The following RTKN2 variants were observed in gnomAD, a reference collection of about 807,000 sequenced individuals.
RTKN2 encodes rhotekin-2.
RTKN2 carries 69 observed loss-of-function variants against 71.5 expected under a neutral mutation model. The observed-to-expected ratio is 0.96, with a 90% CI of 0.79 to 1.18. The LOEUF (loss-of-function observed/expected upper bound fraction) is 1.18, where lower values mean the gene tolerates loss of function less well. Among genes scored for constraint, RTKN2 ranks in the 50% most tolerant of loss-of-function variants. The pLI is 0.00. For synonymous variants in RTKN2, 236 were observed against 236.5 expected, an observed-to-expected ratio of 1.00 and a Z score of 0.02; for missense variants, 724 against 719.7, an observed-to-expected ratio of 1.01 and a Z score of -0.07.
chr10:62,256,367 C>T (rs1842675253), intron 2 of RTKN2, among the ~76,000 whole-genome samples: 2 of 151,926 alleles, frequency 1.3e-5, no homozygotes, highest in South Asian at 4.1e-4. Context: ...TAGAAATAGG[C>T]AGAGTAATTA....
At chr10:62,229,608 G>GTC (rs1253644552) in intron 6 of RTKN2, among the ~76,000 whole-genome samples, 1 of 152,172 alleles carries the variant, frequency 6.6e-6, no homozygotes, top group African/African-American at 2.4e-5. Flanking sequence ...TTTAGGAAGA[G>GTC]TCATTTCAAT....
intron 1 of RTKN2, among the ~76,000 whole-genome samples, chr10:62,266,213 T>C (rs897746407): frequency 6.6e-6 from 1 of 152,178 alleles, no homozygotes; most frequent in South Asian, 2.1e-4. Flanking sequence ...AACAGAAATT[T>C]AGGTTAAGTA....
chr10:62,249,163 A>C (rs537307507), intron 2 of RTKN2, among the ~76,000 whole-genome samples: 245 of 152,286 alleles, frequency 1.6e-3, no homozygotes, highest in Non-Finnish European at 2.6e-3. Flanking sequence ...ACAGTACCTG[A>C]GCAATGAACA....
intron 8 of RTKN2, among the ~76,000 whole-genome samples, chr10:62,187,409 T>C (rs1841154309): frequency 1.3e-5 from 2 of 152,124 alleles, no homozygotes; most frequent in Non-Finnish European, 2.9e-5. Context: ...CCCTAAAGTT[T>C]CCTCCCTTCA....
intron 1 of RTKN2, among the ~76,000 whole-genome samples, chr10:62,268,143 T>C (rs1842899526): frequency 6.6e-6 from 1 of 152,182 alleles, no homozygotes; most frequent in Admixed American, 6.5e-5. Context: ...CATCGCTCCA[T>C]TACTGTGCTT....
At chr10:62,206,809 T>C (rs192006104) in intron 9 of RTKN2, among the ~76,000 whole-genome samples, 63 of 152,180 alleles carry the variant, frequency 4.1e-4, no homozygotes, top group Non-Finnish European at 1.2e-4. Flanking sequence ...ATTAGTTCTT[T>C]TAAGTAATTA....
chr10:62,234,413 C>G (rs960597474), intron 6 of RTKN2, among the ~76,000 whole-genome samples: 2 of 150,864 alleles, frequency 1.3e-5, no homozygotes, highest in Non-Finnish European at 3.0e-5. Flanking sequence ...GCCAGTAGTC[C>G]TAGCTACTCA....
intron 9 of RTKN2, among the ~76,000 whole-genome samples, chr10:62,211,963 C>T (rs924803332): frequency 1.3e-5 from 2 of 152,076 alleles, no homozygotes; most frequent in African/African-American, 4.8e-5. Context: ...CGCACCCAGC[C>T]GAGGAACACT....
chr10:62,218,335 T>G (rs1389752625), intron 7 of RTKN2, 34 bp from the exon 8 acceptor site: 1 of 1,362,026 alleles, frequency 7.3e-7, no homozygotes, highest in Non-Finnish European at 1.0e-6. Flanking sequence ...AAAAATCAAG[T>G]TATAAATATA....
intron 2 of RTKN2, among the ~76,000 whole-genome samples, chr10:62,255,515 T>A (rs2393868): frequency 0.89 from 135,681 of 152,240 alleles, 60,576 homozygotes; most frequent in East Asian, 0.99. Context: ...AAAGAGAGGA[T>A]TGTCCTTCTT....
At chr10:62,234,537 C>A (rs1842217326) in intron 6 of RTKN2, among the ~76,000 whole-genome samples, 1 of 150,508 alleles carries the variant, frequency 6.6e-6, no homozygotes, top group African/African-American at 2.4e-5. Context: ...AAAGAAAATT[C>A]AAGAGTTCAA....
chr10:62,201,068 C>T (rs1841431073), intron 10 of RTKN2, among the ~76,000 whole-genome samples: 1 of 152,084 alleles, frequency 6.6e-6, no homozygotes, highest in South Asian at 2.1e-4. Flanking sequence ...ATGCTAGTTC[C>T]TACGTATCTG....
chr10:62,203,342 A>AT (rs35304270), intron 10 of RTKN2, among the ~76,000 whole-genome samples: 50 of 143,570 alleles, frequency 3.5e-4, no homozygotes, highest in South Asian at 1.8e-3. Flanking sequence ...GATCTGCTGA[A>AT]TTTTTTTTTT....
rs541713264 is a variant in RTKN2 at position 62,193,254 on chromosome 10, T to C, written c.*4654A>G. 5.2e-6 allele frequency: 5 copies of C among 956,944 alleles called. No homozygotes were observed. In the African/African-American group the frequency reaches 7.0e-5, roughly 13 times the overall value. The allele number at this position is 956,944 out of a possible 1,614,324, so 59.3% of individuals were successfully genotyped here. On this transcript the variant is annotated 3_prime_UTR_variant, in exon 12 of 12. Transcript: ENST00000373789. Reference sequence around the variant, plus strand: ...GAACCATCTGACATAATTATGTATATACAAGATCTTTTCAATCTACCTCTC... The same window carrying C: ...GAACCATCTGACATAATTATGTATACACAAGATCTTTTCAATCTACCTCTC...
chr10:62,231,200 T>C (rs992506640), intron 6 of RTKN2, among the ~76,000 whole-genome samples: 1 of 152,214 alleles, frequency 6.6e-6, no homozygotes, highest in African/African-American at 2.4e-5. Flanking sequence ...TAAATAATCA[T>C]GCTGAATTTT....
At chr10:62,254,997 A>C (rs1305909600) in intron 2 of RTKN2, among the ~76,000 whole-genome samples, 6 of 152,050 alleles carry the variant, frequency 3.9e-5, no homozygotes, top group Non-Finnish European at 7.4e-5. Context: ...AAAATGAAAT[A>C]AAATGGACTG....
In RTKN2 at chr10:62,205,009, C is replaced by G; in HGVS notation, c.1034G>C (p.Arg345Pro). ...TTTCTTGGCATCCTTATCCATTGCC[C>G]GGATTCTGGTTTCCTAAAAATTAAG... is the stretch of plus-strand genomic sequence containing the variant. ...VVPINKETRI[R>P]AMDKDAKKRI... Residue 345 changes from arginine to proline, a missense_variant, in exon 10 of 12, where the codon CGG becomes CCG. Arg to Pro is a moderately radical substitution (Grantham distance 103). Coordinates refer to ENST00000373789, the MANE Select transcript of RTKN2 (RefSeq NM_145307.4). 6.3e-7 allele frequency: 1 copy of G among 1,579,922 alleles called. No homozygotes were observed.
chr10:62,236,905 TA>T (rs71470802), intron 5 of RTKN2, among the ~76,000 whole-genome samples: 13,382 of 144,804 alleles, frequency 0.092, 774 homozygotes, highest in South Asian at 0.26. Flanking sequence ...TGTGGAATAT[TA>T]AAAAAAAAAG....
chr10:62,227,311 G>A (rs780264752), intron 6 of RTKN2, among the ~76,000 whole-genome samples: 1 of 152,138 alleles, frequency 6.6e-6, no homozygotes, highest in Non-Finnish European at 1.5e-5. Context: ...TCAGGGGAGA[G>A]TGCTATTTCA....
Sources: gnomAD v4.1 joint callset for allele counts (sites outside exome capture counted in the v4.1 genomes callset) on GRCh38, gnomAD v4.1.1 for gene constraint, MANE v1.5 for transcripts, NCBI Gene and HGNC (gene_info 2026-07-23, HGNC 2026-07-21) for gene names.